Variants in PHLDB2 observed in about 807,000 individuals in gnomAD.
PHLDB2 encodes the protein pleckstrin homology like domain family B member 2.
In PHLDB2, 71 loss-of-function variants were observed where a neutral mutation model predicts 123.6. That is an observed-to-expected ratio of 0.57 (90% confidence interval 0.47 to 0.70). The LOEUF (loss-of-function observed/expected upper bound fraction) is 0.70, where lower values mean the gene tolerates loss of function less well. Among genes scored for constraint, PHLDB2 ranks in the 30% least tolerant of loss-of-function variants. PHLDB2 has a pLI of 0.00. For synonymous variants in PHLDB2, 547 were observed against 541.6 expected (o/e 1.01, Z -0.14); for missense variants, 1,446 against 1,519.5 (o/e 0.95, Z 0.80).
At chr3:111,799,172 C>A (rs2061287065) in intron 1 of PHLDB2, among the ~76,000 whole-genome samples, 1 of 152,150 alleles carries the variant, frequency 6.6e-6, no homozygotes, top group Admixed American at 6.5e-5. Flanking sequence ...TGGGTCCCTC[C>A]CATGACACCT....
intron 5 of PHLDB2, among the ~76,000 whole-genome samples, chr3:111,924,079 C>A (rs2068678955): frequency 6.6e-6 from 1 of 152,090 alleles, no homozygotes; most frequent in Admixed American, 6.5e-5. Context: ...AAGATTCATC[C>A]TCCCCCAACC....
chr3:111,848,160 A>C (rs1353302499), intron 2 of PHLDB2, among the ~76,000 whole-genome samples: 1 of 152,134 alleles, frequency 6.6e-6, no homozygotes, highest in African/African-American at 2.4e-5. Flanking sequence ...TGGAATGAAA[A>C]ACAAAGGACT....
chr3:111,801,511 C>T (rs1216759075), intron 1 of PHLDB2, among the ~76,000 whole-genome samples: 1 of 152,128 alleles, frequency 6.6e-6, no homozygotes, highest in South Asian at 2.1e-4. Context: ...TGCCTTTATT[C>T]ATTCATGTCA....
intron 1 of PHLDB2, among the ~76,000 whole-genome samples, chr3:111,881,259 C>T (rs1187563908): frequency 6.6e-6 from 1 of 152,178 alleles, no homozygotes; most frequent in African/African-American, 2.4e-5. Flanking sequence ...ATCTCTGGTA[C>T]ATATCAGACA....
At chr3:111,814,352 G>C (rs147809686) in intron 1 of PHLDB2, among the ~76,000 whole-genome samples, 294 of 152,204 alleles carry the variant, frequency 1.9e-3, no homozygotes, top group Non-Finnish European at 3.9e-3. Context: ...CTCCCATGCT[G>C]GTTGCTTGCT....
intron 1 of PHLDB2, chr3:111,779,969 C>T (rs1191059721): frequency 4.4e-6 from 3 of 676,008 alleles, no homozygotes; most frequent in South Asian, 1.3e-4. Flanking sequence ...AGAGGAGAGT[C>T]GAGGACTCTG....
At chr3:111,859,141 A>C, upstream of PHLDB2, 1 of 979,632 alleles carries the variant, frequency 1.0e-6, no homozygotes, top group Non-Finnish European at 1.2e-6. Context: ...TGTCGGAAGG[A>C]GGTGCGGTCA....
chr3:111,828,042 T>C (rs2062751805), intron 1 of PHLDB2, among the ~76,000 whole-genome samples: 2 of 152,242 alleles, frequency 1.3e-5, no homozygotes, highest in Non-Finnish European at 2.9e-5. Context: ...CTAACAGCTA[T>C]TCACAGTGCA....
intron 1 of PHLDB2, among the ~76,000 whole-genome samples, chr3:111,776,297 G>A (rs1400858748): frequency 6.6e-6 from 1 of 152,140 alleles, no homozygotes; most frequent in Non-Finnish European, 1.5e-5. Context: ...AAAGGGGATA[G>A]AAAGAGAAGA....
At chr3:111,905,602 C>T (rs781312509) in intron 2 of PHLDB2, among the ~76,000 whole-genome samples, 11 of 152,116 alleles carry the variant, frequency 7.2e-5, no homozygotes, top group South Asian at 2.1e-4. Context: ...AGTGATCCAC[C>T]GCCTTGGTCT....
chr3:111,947,194 T>G (rs2070367218), intron 9 of PHLDB2, among the ~76,000 whole-genome samples: 1 of 152,246 alleles, frequency 6.6e-6, no homozygotes. Context: ...TTGGATGGGC[T>G]CTAAAGTCTT....
Position 111,952,552 on chromosome 3 carries a change from C to G in PHLDB2, c.2632-20C>G. 6.2e-7 allele frequency: 1 copy of G among 1,601,838 alleles called. No homozygotes were observed. ...CAGTTAGTCAAGTTTTGCTATTTTG[C>G]TTTGCATTTGCATTTAAAGCACTTT... On this transcript the variant is annotated intron_variant, in intron 10 of 17. Transcript: ENST00000431670.
intron 1 of PHLDB2, among the ~76,000 whole-genome samples, chr3:111,746,791 A>T (rs1295126234): frequency 6.6e-6 from 1 of 152,202 alleles, no homozygotes; most frequent in Non-Finnish European, 1.5e-5. Context: ...TTTTAATTTG[A>T]AAAAGGAAAA....
chr3:111,922,669 T>C (rs866026845), intron 5 of PHLDB2, among the ~76,000 whole-genome samples: 4 of 152,182 alleles, frequency 2.6e-5, no homozygotes, highest in Non-Finnish European at 5.9e-5. Flanking sequence ...TACGTATTCT[T>C]GACAACTAAA....
upstream of PHLDB2, among the ~76,000 whole-genome samples, chr3:111,855,089 A>C (rs182265630): frequency 6.6e-6 from 1 of 152,248 alleles, no homozygotes; most frequent in East Asian, 1.9e-4. Context: ...TCTTCCATGG[A>C]ATTAGGGTAA....
intron 1 of PHLDB2, among the ~76,000 whole-genome samples, chr3:111,877,804 C>A (rs1218487911): frequency 6.6e-6 from 1 of 152,172 alleles, no homozygotes; most frequent in Admixed American, 6.5e-5. Context: ...GTTTTCCCAA[C>A]ACCATTTATT....
rs193036487 is a variant in PHLDB2 at position 111,903,457 on chromosome 3, G to A, written c.1336-9862G>A. ...CAGGGGCAGAGGCAGGTGGACCACA[G>A]GGCAGGGAGTTGGTGGCCTTGAGGG... is the stretch of plus-strand genomic sequence containing the variant. On this transcript the variant is annotated intron_variant, in intron 2 of 17. Coordinates refer to ENST00000431670, the MANE Select transcript of PHLDB2 (RefSeq NM_001134438.2). Among the ~76,000 whole-genome samples, 822 of 152,280 alleles carry A rather than the reference G, an allele frequency of 5.4e-3. 11 individuals are homozygous for A. The highest frequency in any genetic ancestry group is 0.019 in the African/African-American group (788 of 41,546).
At chr3:111,777,908 C>T (rs1012110143) in intron 1 of PHLDB2, among the ~76,000 whole-genome samples, 13 of 21,876 alleles carry the variant, frequency 5.9e-4, no homozygotes, top group African/African-American at 2.1e-3. Context: ...ACATCATTAC[C>T]CTCCCTTTTT....
intron 1 of PHLDB2, among the ~76,000 whole-genome samples, chr3:111,801,409 A>G (rs958992142): frequency 1.3e-5 from 2 of 152,228 alleles, no homozygotes; most frequent in Non-Finnish European, 2.9e-5. Flanking sequence ...TCAAAATTTT[A>G]AAAGCTCATA....
Sources: gnomAD v4.1 joint callset for allele counts (sites outside exome capture counted in the v4.1 genomes callset) on GRCh38, gnomAD v4.1.1 for gene constraint, MANE v1.5 for transcripts, NCBI Gene and HGNC (gene_info 2026-07-23, HGNC 2026-07-21) for gene names.